OSBPL3: variants seen among roughly 807,000 people sequenced by gnomAD.
OSBPL3 encodes the protein oxysterol binding protein like 3.
In OSBPL3, 65 loss-of-function variants were observed where a neutral mutation model predicts 120.1. The ratio of observed to expected loss-of-function variants is 0.54; its 90% CI spans 0.44 to 0.67. The LOEUF is 0.67. Ranked by LOEUF, OSBPL3 falls within the 30% of genes least tolerant of loss-of-function variation. The pLI is 0.00. For synonymous variants in OSBPL3, 416 were observed against 402.6 expected (o/e 1.03, Z -0.40); for missense variants, 1,004 against 1,082.1 (o/e 0.93, Z 1.01).
chr7:24,839,818 G>A (rs372278737), intron 14 of OSBPL3, among the ~76,000 whole-genome samples: 2 of 151,344 alleles, frequency 1.3e-5, no homozygotes, highest in African/African-American at 2.4e-5. Context: ...GTGAAACCTC[G>A]TCTCCACCGA....
At chr7:24,904,353 T>C (rs767304676) in intron 1 of OSBPL3, among the ~76,000 whole-genome samples, 1 of 152,244 alleles carries the variant, frequency 6.6e-6, no homozygotes, top group Non-Finnish European at 1.5e-5. Flanking sequence ...CAGCCCGCAG[T>C]ATCTGCAGGT....
rs2128125369 is a variant in OSBPL3 at position 24,813,710 on chromosome 7, C to T, written c.2172+1349G>A. Among the ~76,000 whole-genome samples the T allele has an allele frequency of 6.6e-6, 1 of 152,294 alleles. No homozygotes were observed. Among genetic ancestry groups the T allele is most frequent in the East Asian group, 1.9e-4 (1 of 5,186 alleles). Reference sequence around the variant, plus strand: ...CATTGCATGAAGTTCCACAATAAAACCTCATCTCTCTGCTTATTATTTCGA... The same window carrying T: ...CATTGCATGAAGTTCCACAATAAAATCTCATCTCTCTGCTTATTATTTCGA... On this transcript the variant is annotated intron_variant, in intron 19 of 22. Coordinates refer to ENST00000313367, the MANE Select transcript of OSBPL3 (RefSeq NM_015550.4). The surrounding 1 kb of genome is among the most constrained non-coding windows in gnomAD (Gnocchi z 4.5).
intron 2 of OSBPL3, among the ~76,000 whole-genome samples, chr7:24,875,315 C>T (rs1210784088): frequency 6.6e-6 from 1 of 152,302 alleles, no homozygotes; most frequent in South Asian, 2.1e-4. Flanking sequence ...TTGCTGAAGG[C>T]CATGCTATTT....
At chr7:24,924,834 C>T (rs1249117852) in intron 1 of OSBPL3, among the ~76,000 whole-genome samples, 3 of 152,196 alleles carry the variant, frequency 2.0e-5, no homozygotes, top group Admixed American at 6.5e-5. Flanking sequence ...CCTATAGCTG[C>T]TCACGGTTCT....
In OSBPL3 at chr7:24,918,143, G is replaced by A. The variant is rs560942661; in HGVS notation, c.-149-25522C>T. The A allele has an allele frequency of 6.6e-5, 56 of 842,536 alleles. No individual in the cohort carries two copies. In the South Asian group the frequency reaches 2.6e-3, roughly 39 times the overall value. 52.2% of individuals were successfully genotyped at this position (842,536 alleles called of 1,614,324 possible). ...TCACAGCAGCCAGTAATGACACCTG[G>A]ATACTCTTTGTTTACAGTTTCATGT... On this transcript the variant is annotated intron_variant, in intron 1 of 22. Transcript: ENST00000313367. The surrounding 1 kb of genome is among the most constrained non-coding windows in gnomAD (Gnocchi z 4.3).
chr7:24,866,695 T>C (rs546359755), intron 5 of OSBPL3, among the ~76,000 whole-genome samples: 4 of 152,274 alleles, frequency 2.6e-5, no homozygotes, highest in Non-Finnish European at 2.9e-5. Flanking sequence ...TAGCCTCTCA[T>C]TGACTGTTTA....
In OSBPL3 at chr7:24,871,702, G is replaced by A. The variant is rs767904576; in HGVS notation, c.267+40C>T. 4 of 1,480,788 alleles carry A rather than the reference G, an allele frequency of 2.7e-6. No homozygotes were observed. The highest frequency in any genetic ancestry group is 2.8e-6 in the Non-Finnish European group (3 of 1,060,722). 91.7% of individuals were successfully genotyped at this position (1,480,788 alleles called of 1,614,324 possible). ...CTCTGAGCTGATGGTTACCCCTTTA[G>A]GATTCTTCAATACCACAGTGGGCCC... is the stretch of plus-strand genomic sequence containing the variant. On this transcript the variant is annotated intron_variant, in intron 4 of 22. Coordinates refer to ENST00000313367, the MANE Select transcript of OSBPL3 (RefSeq NM_015550.4). The surrounding 1 kb of genome is among the most constrained non-coding windows in gnomAD (Gnocchi z 4.8).
rs550915423 is a variant in OSBPL3, at chr7:24,950,726, A to C, written c.-150+29160T>G. Reference sequence around the variant, plus strand: ...AACAGAGTGAGACTCCGTCTCAAAAAACAAAACAAAACAAAACAAAAACAT... The same window carrying C: ...AACAGAGTGAGACTCCGTCTCAAAACACAAAACAAAACAAAACAAAAACAT... On this transcript the variant is annotated intron_variant, in intron 1 of 22. Transcript: ENST00000313367. Among the ~76,000 whole-genome samples, 5 of 152,366 alleles carry C rather than the reference A, an allele frequency of 3.3e-5. No individual in the cohort carries two copies. The South Asian group carries it at 1.0e-3, about 32-fold the overall frequency.
rs1469595208 is a variant in OSBPL3 at position 24,966,166 on chromosome 7, TG to T, written c.-150+13719del. 6.6e-6 allele frequency among the ~76,000 whole-genome samples: 1 copy of T among 152,172 alleles called. No individual in the cohort carries two copies. The highest frequency in any genetic ancestry group is 1.5e-5 in the Non-Finnish European group (1 of 68,024). The stretch of plus-strand genomic sequence containing the variant: ...CCCACAGATCTCGCTTCCTACAACA[TG>T]GGTATTTTCCCCAGACTGGGAAGTT... On this transcript the variant is annotated intron_variant, in intron 1 of 22. Coordinates refer to ENST00000313367, the MANE Select transcript of OSBPL3 (RefSeq NM_015550.4). The surrounding 1 kb of genome is among the most constrained non-coding windows in gnomAD (Gnocchi z 4.8).
At chr7:24,846,403 T>C (rs879263943) in intron 12 of OSBPL3, among the ~76,000 whole-genome samples, 17 of 152,196 alleles carry the variant, frequency 1.1e-4, no homozygotes, top group Non-Finnish European at 1.9e-4. Flanking sequence ...ACCTACTTCA[T>C]AGAGTCATGG....
At position 24,894,696 on chromosome 7, in the gene OSBPL3, C is replaced by T. The variant is rs1040357812; in HGVS notation, c.-149-2075G>A. Reference sequence around the variant, plus strand: ...TCTTTAAGGCTGAGGTTCTGTTAAACGAGAGTCTACAAGAGTCTGGGATGA... The same window carrying T: ...TCTTTAAGGCTGAGGTTCTGTTAAATGAGAGTCTACAAGAGTCTGGGATGA... On this transcript the variant is annotated intron_variant, in intron 1 of 22. Transcript: ENST00000313367. This position sits in a 1 kb window ranked among gnomAD's most constrained non-coding sequence, Gnocchi z 4.1. Among the ~76,000 whole-genome samples the T allele has an allele frequency of 2.6e-5, 4 of 151,952 alleles. No individual in the cohort carries two copies. Among genetic ancestry groups the T allele is most frequent in the Non-Finnish European group, 5.9e-5 (4 of 68,000 alleles).
rs1453174858 is a variant in OSBPL3 at position 24,972,731 on chromosome 7, C to A, written c.-150+7155G>T. Reference sequence around the variant, plus strand: ...AAATATATACATACATAAATATACACACACATATATATACATATATGTAGA... The same window carrying A: ...AAATATATACATACATAAATATACAAACACATATATATACATATATGTAGA... On this transcript the variant is annotated intron_variant, in intron 1 of 22. Coordinates refer to ENST00000313367, the MANE Select transcript of OSBPL3 (RefSeq NM_015550.4). The surrounding 1 kb of genome is among the most constrained non-coding windows in gnomAD (Gnocchi z 4.3). 6.6e-6 allele frequency among the ~76,000 whole-genome samples: 1 copy of A among 152,086 alleles called. No homozygotes were observed. Among genetic ancestry groups the A allele is most frequent in the Non-Finnish European group, 1.5e-5 (1 of 68,036 alleles).
intron 10 of OSBPL3, among the ~76,000 whole-genome samples, chr7:24,858,709 A>G (rs1372470729): frequency 6.6e-6 from 1 of 152,194 alleles, no homozygotes; most frequent in Non-Finnish European, 1.5e-5. Flanking sequence ...GGTTTTCACA[A>G]AGTGGGAAAG....
chr7:24,851,434 G>T lies in OSBPL3; in HGVS notation c.1158+1070C>A, dbSNP rs1374212431. On this transcript the variant is annotated intron_variant, in intron 11 of 22. Transcript: ENST00000313367. This position sits in a 1 kb window ranked among gnomAD's most constrained non-coding sequence, Gnocchi z 4.1. ...ACAACTATATGTGCTACTGGCAGAG[G>T]ATTTATCACTAACATTATATTAAGA... Among the ~76,000 whole-genome samples the T allele has an allele frequency of 6.6e-6, 1 of 152,122 alleles. No homozygotes were observed. The highest frequency in any genetic ancestry group is 1.5e-5 in the Non-Finnish European group (1 of 68,012).
At chr7:24,853,243 A>G (rs1472378878) in intron 10 of OSBPL3, among the ~76,000 whole-genome samples, 1 of 152,228 alleles carries the variant, frequency 6.6e-6, no homozygotes, top group Non-Finnish European at 1.5e-5. Flanking sequence ...ATTAGACAGC[A>G]CCTTAATCAG....
rs1794302414 is a variant in OSBPL3, at chr7:24,815,036, G to C, written c.2172+23C>G. 5 of 1,612,798 alleles carry C rather than the reference G, an allele frequency of 3.1e-6. No homozygotes were observed. The highest frequency in any genetic ancestry group is 4.2e-6 in the Non-Finnish European group (5 of 1,178,878). On this transcript the variant is annotated intron_variant, in intron 19 of 22. Coordinates refer to ENST00000313367, the MANE Select transcript of OSBPL3 (RefSeq NM_015550.4). The surrounding 1 kb of genome is among the most constrained non-coding windows in gnomAD (Gnocchi z 5.1). ...CTGCCACAGCCCTTCCAGGGTCAGA[G>C]CTCAGAGAGTCACTGGAGTTACCTT...
At chr7:24,926,182 T>G (rs1297977161) in intron 1 of OSBPL3, among the ~76,000 whole-genome samples, 1 of 152,182 alleles carries the variant, frequency 6.6e-6, no homozygotes, top group Non-Finnish European at 1.5e-5. Flanking sequence ...GAAGTAGTGT[T>G]TATAAGATGG....
chr7:24,856,357 T>C (rs891743988), intron 10 of OSBPL3, among the ~76,000 whole-genome samples: 9 of 152,152 alleles, frequency 5.9e-5, no homozygotes, highest in Non-Finnish European at 1.3e-4. Flanking sequence ...GAGACTATAA[T>C]AGATGGAATG....
In OSBPL3 at chr7:24,918,050, T is replaced by C; in HGVS notation, c.-149-25429A>G. The C allele has an allele frequency of 1.0e-6, 1 of 983,816 alleles. No homozygotes were observed. Among genetic ancestry groups the C allele is most frequent in the Non-Finnish European group, 1.2e-6 (1 of 828,494 alleles). The allele number at this position is 983,816 out of a possible 1,614,324, so 60.9% of individuals were successfully genotyped here. ...ATAAAATGACTAGCACTCTTACCTATAAAGGTTGGCTTATCCTCGACGCAC... is the reference window on the plus strand; with the variant it reads ...ATAAAATGACTAGCACTCTTACCTACAAAGGTTGGCTTATCCTCGACGCAC... On this transcript the variant is annotated intron_variant, in intron 1 of 22. Transcript: ENST00000313367. This position sits in a 1 kb window ranked among gnomAD's most constrained non-coding sequence, Gnocchi z 4.3.
Sources: allele counts gnomAD v4.1 joint callset (sites outside exome capture counted in the v4.1 genomes callset), GRCh38; gene constraint gnomAD v4.1.1; non-coding constraint Gnocchi (gnomAD v3.1); transcripts MANE v1.5; gene names NCBI Gene and HGNC (gene_info 2026-07-23, HGNC 2026-07-21).